Variants in UVRAG observed in about 807,000 individuals in gnomAD.
UVRAG encodes UV radiation resistance associated, also known as UV radiation resistance-associated gene protein.
Under a neutral mutation model 78.0 loss-of-function variants are expected in UVRAG, and 19 were observed. The observed-to-expected ratio is 0.24, with a 90% CI of 0.17 to 0.36. UVRAG has a LOEUF of 0.36. Among genes scored for constraint, UVRAG ranks in the 10% least tolerant of loss-of-function variants. The pLI is 1.00. For synonymous variants in UVRAG, 323 were observed against 324.6 expected, an observed-to-expected ratio of 1.00 and a Z score of 0.05; for missense variants, 740 against 853.8, an observed-to-expected ratio of 0.87 and a Z score of 1.66.
At chr11:76,055,058 A>G (rs1274985349) in intron 12 of UVRAG, among the ~76,000 whole-genome samples, 2 of 152,190 alleles carry the variant, frequency 1.3e-5, no homozygotes, top group South Asian at 4.2e-4. Context: ...TTTTCCACCT[A>G]TAGGAAGCTG....
chr11:76,074,255 C>G (rs151189663), intron 13 of UVRAG, among the ~76,000 whole-genome samples: 2 of 152,148 alleles, frequency 1.3e-5, no homozygotes, highest in Admixed American at 6.5e-5. Flanking sequence ...GAACCACTGT[C>G]TTAGAGAATG....
At chr11:75,865,287 C>CAAAAAAAAAA (rs1195072746) in intron 3 of UVRAG, among the ~76,000 whole-genome samples, 12 of 45,598 alleles carry the variant, frequency 2.6e-4, no homozygotes, top group Non-Finnish European at 3.5e-4. Flanking sequence ...AACTCCATCT[C>CAAAAAAAAAA]AAAAAAAAAA....
intron 4 of UVRAG, among the ~76,000 whole-genome samples, chr11:75,888,514 G>A (rs541143822): frequency 6.6e-6 from 1 of 152,314 alleles, no homozygotes; most frequent in African/African-American, 2.4e-5. Flanking sequence ...AGAGAGGGTA[G>A]AATATGCCTC....
chr11:75,824,077 C>T (rs532281953), intron 1 of UVRAG, among the ~76,000 whole-genome samples: 1 of 152,170 alleles, frequency 6.6e-6, no homozygotes, highest in African/African-American at 2.4e-5. Context: ...AAAAAATCAG[C>T]TTTATTGGCA....
In UVRAG at chr11:76,141,452, G is replaced by C; in HGVS notation, c.*39G>C. The stretch of plus-strand genomic sequence containing the variant: ...ACAGTAGGACTGGGGCAGAAGCTCT[G>C]CCTAAAATGAAGTGAAAGCTGCACT... On this transcript the variant is annotated 3_prime_UTR_variant, in exon 15 of 15. Transcript: ENST00000356136. 1 of 1,572,268 alleles carries C rather than the reference G, an allele frequency of 6.4e-7. No homozygotes were observed. The highest frequency in any genetic ancestry group is 8.7e-7 in the Non-Finnish European group (1 of 1,155,624).
intron 5 of UVRAG, among the ~76,000 whole-genome samples, chr11:75,904,573 A>G (rs1947576426): frequency 6.6e-6 from 1 of 152,216 alleles, no homozygotes; most frequent in Admixed American, 6.5e-5. Flanking sequence ...TTAAATGTAC[A>G]TGGACTCAGA....
At chr11:75,894,192 T>C (rs1439225554) in intron 5 of UVRAG, among the ~76,000 whole-genome samples, 1 of 152,200 alleles carries the variant, frequency 6.6e-6, no homozygotes, top group East Asian at 1.9e-4. Context: ...ATTCAAAATG[T>C]AGTCTGGACC....
intron 13 of UVRAG, among the ~76,000 whole-genome samples, chr11:76,112,730 C>CTTTT (rs10686022): frequency 0.014 from 1,919 of 139,378 alleles, 53 homozygotes; most frequent in African/African-American, 0.05. Context: ...TTTTTCTTTT[C>CTTTT]TTTTTTTTTT....
intron 3 of UVRAG, among the ~76,000 whole-genome samples, chr11:75,867,602 T>G (rs911708789): frequency 1.3e-5 from 2 of 152,220 alleles, no homozygotes; most frequent in Non-Finnish European, 1.5e-5. Context: ...CTCCTATATG[T>G]CTTTTGGTAA....
intron 6 of UVRAG, among the ~76,000 whole-genome samples, chr11:75,957,989 G>A (rs541492120): frequency 2.5e-4 from 38 of 152,282 alleles, no homozygotes; most frequent in Non-Finnish European, 4.7e-4. Flanking sequence ...TTTACACTAT[G>A]CTGTAGTCTA....
In UVRAG at chr11:76,054,096, G is replaced by A. The variant is rs1215046; in HGVS notation, c.1227-11614G>A. Among the ~76,000 whole-genome samples, 1,310 of 151,910 alleles carry A rather than the reference G, an allele frequency of 8.6e-3. 36 individuals are homozygous for A. Among genetic ancestry groups the A allele is most frequent in the Admixed American group, 0.045 (693 of 15,272 alleles). The stretch of plus-strand genomic sequence containing the variant: ...GCTGATCTTAGCAGCCTAATCTTAC[G>A]GCACTTCACCCCTCACACTCTTTTT... On this transcript the variant is annotated intron_variant, in intron 12 of 14. Transcript: ENST00000356136.
chr11:76,096,265 A>C lies in UVRAG; in HGVS notation c.1306-19659A>C, dbSNP rs113456310. Among the ~76,000 whole-genome samples the C allele has an allele frequency of 6.8e-3, 1,040 of 152,316 alleles. 17 individuals are homozygous for C. The highest frequency in any genetic ancestry group is 0.024 in the African/African-American group (996 of 41,560). ...TAACATGGCTTTTTTGTGGCTTAAT[A>C]GGATAGAGAATAAAATTGTAACAGA... On this transcript the variant is annotated intron_variant, in intron 13 of 14. Coordinates refer to ENST00000356136, the MANE Select transcript of UVRAG (RefSeq NM_003369.4).
At chr11:75,942,072 T>C (rs1170356334) in intron 6 of UVRAG, 1 of 152,196 alleles carries the variant, frequency 6.6e-6, no homozygotes, top group East Asian at 1.9e-4. Flanking sequence ...CAGTTTTGAA[T>C]ACTACATTGC....
At chr11:76,012,357 G>T (rs1950065677) in intron 11 of UVRAG, among the ~76,000 whole-genome samples, 1 of 151,794 alleles carries the variant, frequency 6.6e-6, no homozygotes, top group Admixed American at 6.6e-5. Context: ...AGCTCAGAGA[G>T]ATTAGTTAAT....
At chr11:75,883,890 C>G (rs979425560) in intron 4 of UVRAG, among the ~76,000 whole-genome samples, 1 of 152,088 alleles carries the variant, frequency 6.6e-6, no homozygotes, top group Non-Finnish European at 1.5e-5. Context: ...TAACCACCAC[C>G]ATAATAAATA....
At chr11:75,984,037 C>A (rs181394880) in intron 8 of UVRAG, among the ~76,000 whole-genome samples, 290 of 152,238 alleles carry the variant, frequency 1.9e-3, no homozygotes, top group Admixed American at 4.7e-3. Flanking sequence ...CCCGGACTTA[C>A]AATGGTTTGA....
At chr11:76,094,882 G>A (rs1458960863) in intron 13 of UVRAG, among the ~76,000 whole-genome samples, 4 of 151,990 alleles carry the variant, frequency 2.6e-5, no homozygotes, top group Non-Finnish European at 1.5e-5. Context: ...TTTCTCATTA[G>A]GGAACACCTG....
At chr11:75,831,630 C>T (rs1474119115) in intron 1 of UVRAG, among the ~76,000 whole-genome samples, 1 of 152,018 alleles carries the variant, frequency 6.6e-6, no homozygotes, top group African/African-American at 2.4e-5. Flanking sequence ...GCAGAGGGAC[C>T]AGCTTGAGCA....
At chr11:75,956,066 C>T (rs181135357) in intron 6 of UVRAG, among the ~76,000 whole-genome samples, 9 of 152,234 alleles carry the variant, frequency 5.9e-5, no homozygotes, top group Admixed American at 3.3e-4. Context: ...GCTTTTTTCA[C>T]TCAACATATT....
Sources: gnomAD v4.1 joint callset for allele counts (sites outside exome capture counted in the v4.1 genomes callset) on GRCh38, gnomAD v4.1.1 for gene constraint, MANE v1.5 for transcripts, NCBI Gene and HGNC (gene_info 2026-07-23, HGNC 2026-07-21) for gene names.